GNL2: variants seen among roughly 807,000 people sequenced by gnomAD.
GNL2 encodes the protein nucleolar GTP-binding protein 2.
GNL2 carries 51 observed loss-of-function variants against 92.3 expected under a neutral mutation model. That is an observed-to-expected ratio of 0.55 (90% CI 0.44 to 0.70). The LOEUF (loss-of-function observed/expected upper bound fraction) is 0.70. Ranked by LOEUF, GNL2 falls within the 30% of genes least tolerant of loss-of-function variation. The pLI, the probability that GNL2 is intolerant of heterozygous loss-of-function variation, is 0.00. For synonymous variants in GNL2, 283 were observed against 300.6 expected, an observed-to-expected ratio of 0.94 and a Z score of 0.61; for missense variants, 844 against 895.6, an observed-to-expected ratio of 0.94 and a Z score of 0.74.
chr1:37,594,406 T>A (rs1201311341), intron 1 of GNL2, among the ~76,000 whole-genome samples: 1 of 152,242 alleles, frequency 6.6e-6, no homozygotes, highest in East Asian at 1.9e-4. Context: ...TTCTTAATGT[T>A]TGATTTTTGT....
intron 12 of GNL2, among the ~76,000 whole-genome samples, chr1:37,572,024 CTGT>C (rs888405794): frequency 6.6e-6 from 1 of 152,138 alleles, no homozygotes; most frequent in Non-Finnish European, 1.5e-5. Context: ...TCTGGATGTG[CTGT>C]TCCCCTTGCC....
chr1:37,589,295 G>T (rs1270618688), intron 4 of GNL2, among the ~76,000 whole-genome samples: 1 of 152,144 alleles, frequency 6.6e-6, no homozygotes, highest in Non-Finnish European at 1.5e-5. Context: ...AGTTTTCTTT[G>T]AACTATTTTA....
intron 5 of GNL2, among the ~76,000 whole-genome samples, chr1:37,584,363 T>A (rs2148138845): frequency 6.6e-6 from 1 of 150,772 alleles, no homozygotes; most frequent in South Asian, 2.1e-4. Context: ...GTGGGAGAAC[T>A]CCTTGAGCCC....
intron 5 of GNL2, 114 bp downstream of exon 5, chr1:37,587,197 G>A: frequency 2.8e-6 from 2 of 712,932 alleles, no homozygotes. Context: ...AACCTGGGAA[G>A]CGGAGGTTGC....
chr1:37,572,801 C>T (rs1643615839), intron 12 of GNL2, among the ~76,000 whole-genome samples: 1 of 152,178 alleles, frequency 6.6e-6, no homozygotes, highest in Admixed American at 6.5e-5. Context: ...GTGTGGATAG[C>T]CTGAAGCTGC....
At chr1:37,589,775 C>A (rs1313316713) in intron 4 of GNL2, among the ~76,000 whole-genome samples, 1 of 152,176 alleles carries the variant, frequency 6.6e-6, no homozygotes, top group African/African-American at 2.4e-5. Context: ...TTCCACTCAA[C>A]CCAGATTGAA....
intron 12 of GNL2, chr1:37,570,880 A>T (rs1324819332): frequency 6.6e-6 from 1 of 152,202 alleles, no homozygotes; most frequent in Non-Finnish European, 1.5e-5. Flanking sequence ...AAAGATAAGT[A>T]TGTGCCAAGC....
chr1:37,585,839 C>T (rs1028315664), intron 5 of GNL2, among the ~76,000 whole-genome samples: 15 of 152,156 alleles, frequency 9.9e-5, no homozygotes, highest in African/African-American at 3.6e-4. Flanking sequence ...GCAAAACCTC[C>T]ACTTCATTTA....
At chr1:37,580,062 T>C (rs1357198414) in intron 8 of GNL2, among the ~76,000 whole-genome samples, 3 of 152,148 alleles carry the variant, frequency 2.0e-5, no homozygotes, top group Admixed American at 6.5e-5. Flanking sequence ...CCAAGCTCAC[T>C]GAGCAATAAA....
Position 37,587,330 on chromosome 1 carries a change from T to C in GNL2, c.550A>G (p.Thr184Ala). Residue 184 changes from threonine to alanine, a missense_variant, in exon 5 of 16, where the codon ACT (threonine) becomes GCT (alanine). Coordinates refer to ENST00000373062, the MANE Select transcript of GNL2 (RefSeq NM_013285.3). ...YDQGKDRDLV[T>A]EDTGVRNEAQ... ...ATGTACCTCACACCAGTGTCTTCAG[T>C]TACCAAATCACGATCCTTGCCCTGG... is the stretch of plus-strand genomic sequence containing the variant. 3.1e-6 allele frequency: 5 copies of C among 1,601,720 alleles called. No individual in the cohort carries two copies. The highest frequency in any genetic ancestry group is 1.7e-5 in the Admixed American group (1 of 58,212).
chr1:37,585,838 C>T (rs571058444), intron 5 of GNL2, among the ~76,000 whole-genome samples: 27 of 152,262 alleles, frequency 1.8e-4, no homozygotes, highest in Admixed American at 9.2e-4. Flanking sequence ...AGCAAAACCT[C>T]CACTTCATTT....
At chr1:37,587,545 A>G (rs1293084099) in intron 4 of GNL2, 50 bp from the exon 5 acceptor site, 6 of 1,313,754 alleles carry the variant, frequency 4.6e-6, no homozygotes, top group Non-Finnish European at 6.4e-6. Context: ...CACTGAGAAA[A>G]AGCAAAAAGC....
At chr1:37,567,121 C>A in intron 15 of GNL2, 114 bp from the exon 16 acceptor site, 1 of 1,103,202 alleles carries the variant, frequency 9.1e-7, no homozygotes, top group Non-Finnish European at 1.3e-6. Context: ...GTGCTGCTTC[C>A]ACAGCTACTG....
chr1:37,576,609 G>A, intron 8 of GNL2, 53 bp from the exon 9 acceptor site: 2 of 1,559,280 alleles, frequency 1.3e-6, no homozygotes, highest in Non-Finnish European at 1.7e-6. Flanking sequence ...ATATCCCTTT[G>A]GACAAGTAGG....
Position 37,595,905 on chromosome 1 carries a change from A to T in GNL2, c.-83T>A, listed in dbSNP as rs574793770. On this transcript the variant is annotated 5_prime_UTR_variant, in exon 1 of 16. Coordinates refer to ENST00000373062, the MANE Select transcript of GNL2 (RefSeq NM_013285.3). Reference sequence around the variant, plus strand: ...TTTATGTTCCCAAGCCCGGCCGAAGACACCCGCCTGAACCACGCCGGACCA... The same window carrying T: ...TTTATGTTCCCAAGCCCGGCCGAAGTCACCCGCCTGAACCACGCCGGACCA... The T allele has an allele frequency of 1.0e-5, 12 of 1,205,096 alleles. No homozygotes were observed. The East Asian group carries it at 1.9e-4, about 19-fold the overall frequency. The allele number at this position is 1,205,096 out of a possible 1,614,324, so 74.7% of individuals were successfully genotyped here.
At chr1:37,595,133 T>C (rs138342214) in intron 1 of GNL2, among the ~76,000 whole-genome samples, 7 of 152,334 alleles carry the variant, frequency 4.6e-5, no homozygotes, top group East Asian at 1.9e-4. Context: ...TGCATTAAAA[T>C]TGTCAAAAAT....
chr1:37,585,817 T>C (rs968141113), intron 5 of GNL2, among the ~76,000 whole-genome samples: 2 of 152,258 alleles, frequency 1.3e-5, no homozygotes, highest in South Asian at 4.2e-4. Context: ...ACAATGCCTC[T>C]TCACTAAGAC....
At position 37,590,836 on chromosome 1, in the gene GNL2, C is replaced by G; in HGVS notation, c.254G>C (p.Arg85Pro). The change falls in exon 4 of 16, where the codon CGT (arginine) becomes CCT (proline). Residue 85 changes from arginine to proline, a missense_variant. Coordinates refer to ENST00000373062, the MANE Select transcript of GNL2 (RefSeq NM_013285.3). The part of the protein sequence containing the change: ...EPNIKWFGNT[R>P]VIKQSSLQKF... ...TTGTAATGATGACTGCTTAATCACA[C>G]GTGTGTTTCCTGTTTTACAAATAAA... is the stretch of plus-strand genomic sequence containing the variant. 1 of 1,571,264 alleles carries G rather than the reference C, an allele frequency of 6.4e-7. No individual in the cohort carries two copies. Among genetic ancestry groups the G allele is most frequent in the Non-Finnish European group, 8.6e-7 (1 of 1,159,406 alleles).
At chr1:37,568,725 A>G in intron 13 of GNL2, 126 bp downstream of exon 13, 1 of 753,172 alleles carries the variant, frequency 1.3e-6, no homozygotes, top group Non-Finnish European at 2.3e-6. Flanking sequence ...AAAAACAAAC[A>G]AACAAAAAAC....
Sources: allele counts gnomAD v4.1 joint callset (sites outside exome capture counted in the v4.1 genomes callset), GRCh38; gene constraint gnomAD v4.1.1; transcripts MANE v1.5; gene names NCBI Gene and HGNC (gene_info 2026-07-23, HGNC 2026-07-21).